FNDC3B: variants seen among roughly 807,000 people sequenced by gnomAD.
FNDC3B encodes the protein fibronectin type III domain-containing protein 3B.
FNDC3B carries 12 observed loss-of-function variants against 151.5 expected under a neutral mutation model. The ratio of observed to expected loss-of-function variants is 0.08; its 90% CI spans 0.05 to 0.13. The LOEUF is 0.13. FNDC3B is among the 10% of genes least tolerant of loss of function. FNDC3B has a pLI of 1.00. For missense variants in FNDC3B, 1,214 were observed against 1,505.3 expected (o/e 0.81, Z 3.20); for synonymous variants, 528 against 549.0 (o/e 0.96, Z 0.54).
chr3:172,372,447 T>G (rs944277626), intron 23 of FNDC3B, among the ~76,000 whole-genome samples: 1 of 152,200 alleles, frequency 6.6e-6, no homozygotes, highest in Non-Finnish European at 1.5e-5. Flanking sequence ...GAGCATATGG[T>G]ATGTTCCAGG....
chr3:172,085,313 G>T (rs1255781159), intron 1 of FNDC3B, among the ~76,000 whole-genome samples: 2 of 152,104 alleles, frequency 1.3e-5, no homozygotes, highest in African/African-American at 4.8e-5. Flanking sequence ...AGCTTTTTTG[G>T]TTTGTTTGTT....
chr3:172,046,952 G>C (rs1302922385), intron 1 of FNDC3B: 2 of 152,196 alleles, frequency 1.3e-5, no homozygotes, highest in Non-Finnish European at 2.9e-5. Context: ...ATGGTGGTAA[G>C]TTCAACTCTT....
chr3:172,194,208 A>G (rs1724713361), intron 3 of FNDC3B, among the ~76,000 whole-genome samples: 1 of 152,136 alleles, frequency 6.6e-6, no homozygotes, highest in Non-Finnish European at 1.5e-5. Context: ...CAACAGAGCA[A>G]GACTCCATCT....
chr3:172,331,551 G>A (rs886972708), intron 13 of FNDC3B, among the ~76,000 whole-genome samples: 1 of 151,940 alleles, frequency 6.6e-6, no homozygotes, highest in African/African-American at 2.4e-5. Context: ...TAGTAGAGAT[G>A]GGGTTTCACC....
At chr3:172,317,619 A>G (rs1731875603) in intron 11 of FNDC3B, among the ~76,000 whole-genome samples, 1 of 152,250 alleles carries the variant, frequency 6.6e-6, no homozygotes, top group Non-Finnish European at 1.5e-5. Flanking sequence ...AGTGTCAGTT[A>G]TCTCACGGGT....
intron 17 of FNDC3B, 29 bp downstream of exon 17, chr3:172,341,260 C>T (rs1437759509): frequency 1.3e-5 from 20 of 1,484,254 alleles, no homozygotes; most frequent in Non-Finnish European, 1.9e-5. Flanking sequence ...TGAAAGTAAA[C>T]CTCATTGATC....
At chr3:172,106,169 A>G (rs555250502) in intron 1 of FNDC3B, among the ~76,000 whole-genome samples, 15 of 152,296 alleles carry the variant, frequency 9.8e-5, no homozygotes, top group Non-Finnish European at 1.6e-4. Flanking sequence ...TTACTCCATC[A>G]ACCTTTTTTT....
intron 17 of FNDC3B, among the ~76,000 whole-genome samples, 158 bp from the exon 18 acceptor site, chr3:172,342,853 C>T (rs1733405311): frequency 6.6e-6 from 1 of 152,184 alleles, no homozygotes; most frequent in Non-Finnish European, 1.5e-5. Flanking sequence ...ATATGAAGAT[C>T]TTAATTACAT....
chr3:172,118,050 T>G (rs1304685244), intron 2 of FNDC3B, among the ~76,000 whole-genome samples: 1 of 151,996 alleles, frequency 6.6e-6, no homozygotes, highest in African/African-American at 2.4e-5. Context: ...ATGGAGAGAG[T>G]TTTTTTCCCT....
chr3:172,155,879 T>C (rs1417177103), intron 3 of FNDC3B, among the ~76,000 whole-genome samples: 1 of 152,222 alleles, frequency 6.6e-6, no homozygotes, highest in Non-Finnish European at 1.5e-5. Flanking sequence ...GGATTTGTAC[T>C]TGGTCCGGGA....
chr3:172,388,839 C>CT (rs1167481496), intron 25 of FNDC3B, among the ~76,000 whole-genome samples: 1 of 152,114 alleles, frequency 6.6e-6, no homozygotes, highest in East Asian at 1.9e-4. Context: ...CAAGGCGGGG[C>CT]AGGGAAAGTA....
At chr3:172,274,501 G>C (rs1236963820) in intron 6 of FNDC3B, among the ~76,000 whole-genome samples, 21 of 140,580 alleles carry the variant, frequency 1.5e-4, no homozygotes, top group Non-Finnish European at 3.2e-5. Flanking sequence ...TTTCCTGTGC[G>C]ATCTTGACCA....
At chr3:172,159,766 A>G (rs972527172) in intron 3 of FNDC3B, among the ~76,000 whole-genome samples, 7 of 152,356 alleles carry the variant, frequency 4.6e-5, no homozygotes, top group African/African-American at 1.4e-4. Context: ...AGGTTTTGAG[A>G]AAAAAGTTAG....
chr3:172,144,190 A>G (rs1342564980), intron 3 of FNDC3B, among the ~76,000 whole-genome samples: 1 of 152,008 alleles, frequency 6.6e-6, no homozygotes, highest in Admixed American at 6.6e-5. Context: ...GAGAAGGGAG[A>G]GGTCCCAGAC....
At chr3:172,232,947 C>G (rs1279821482) in intron 4 of FNDC3B, among the ~76,000 whole-genome samples, 1 of 152,212 alleles carries the variant, frequency 6.6e-6, no homozygotes, top group Non-Finnish European at 1.5e-5. Flanking sequence ...AAGACTGTTA[C>G]AACAGTTCCA....
chr3:172,262,894 C>CAAAAAAAAAAAA lies in FNDC3B; in HGVS notation c.790+11370_790+11381dup, dbSNP rs67891835. Among the ~76,000 whole-genome samples the CAAAAAAAAAAAA allele has an allele frequency of 6.3e-4, 38 of 60,608 alleles. 4 individuals carry two copies. Among genetic ancestry groups the CAAAAAAAAAAAA allele is most frequent in the African/African-American group, 2.4e-3 (37 of 15,542 alleles). The allele number at this position is 60,608 out of a possible 152,430, so 39.8% of individuals were successfully genotyped here. ...CCTAGATGACAGAGTGAGACCGACT[C>CAAAAAAAAAAAA]AAAAAAAAAAAAAAAAAAAAAAAAA... is the stretch of plus-strand genomic sequence containing the variant. On this transcript the variant is annotated intron_variant, in intron 6 of 25. Coordinates refer to ENST00000415807, the MANE Select transcript of FNDC3B (RefSeq NM_022763.4).
At chr3:172,068,917 G>A (rs1320511778) in intron 1 of FNDC3B, among the ~76,000 whole-genome samples, 1 of 152,182 alleles carries the variant, frequency 6.6e-6, no homozygotes, top group African/African-American at 2.4e-5. Context: ...AGAAGCAGAG[G>A]TAGTGAGAGG....
intron 1 of FNDC3B, among the ~76,000 whole-genome samples, chr3:172,075,542 A>G (rs1717965359): frequency 6.6e-6 from 1 of 152,060 alleles, no homozygotes; most frequent in African/African-American, 2.4e-5. Context: ...GCTCCTTGGC[A>G]GTGGATATTG....
At chr3:172,314,920 G>T in intron 11 of FNDC3B, among the ~76,000 whole-genome samples, 1 of 152,258 alleles carries the variant, frequency 6.6e-6, no homozygotes, top group East Asian at 1.9e-4. Context: ...CATTAATTTT[G>T]CATCACTGTA....
Sources: allele counts gnomAD v4.1 joint callset (sites outside exome capture counted in the v4.1 genomes callset), GRCh38; gene constraint gnomAD v4.1.1; transcripts MANE v1.5; gene names NCBI Gene and HGNC (gene_info 2026-07-23, HGNC 2026-07-21).